Variants in WDR41 observed in about 807,000 individuals in gnomAD.
The protein encoded by WDR41 is WD repeat domain 41.
WDR41 carries 63 observed loss-of-function variants against 69.3 expected under a neutral mutation model. The observed-to-expected ratio is 0.91, with a 90% CI of 0.74 to 1.12. The LOEUF is 1.12. WDR41 is among the 50% of genes most tolerant of loss of function. The pLI, the probability that WDR41 is intolerant of heterozygous loss-of-function variation, is 0.00. For missense variants in WDR41, 543 were observed against 534.5 expected, an observed-to-expected ratio of 1.02 and a Z score of -0.16; for synonymous variants, 185 against 192.1, an observed-to-expected ratio of 0.96 and a Z score of 0.31.
chr5:77,459,451 A>T (rs1439935833), intron 4 of WDR41, among the ~76,000 whole-genome samples: 1 of 152,152 alleles, frequency 6.6e-6, no homozygotes, highest in Non-Finnish European at 1.5e-5. Flanking sequence ...AGAATAGCCC[A>T]CCATAATCTA....
chr5:77,528,510 A>G (rs150741950), intron 1 of WDR41, among the ~76,000 whole-genome samples: 37 of 151,870 alleles, frequency 2.4e-4, no homozygotes, highest in African/African-American at 8.7e-4. Context: ...GAAAATGAAG[A>G]CTATCATTCA....
chr5:77,536,742 G>A (rs1452274268), intron 1 of WDR41, among the ~76,000 whole-genome samples: 1 of 152,114 alleles, frequency 6.6e-6, no homozygotes, highest in Non-Finnish European at 1.5e-5. Flanking sequence ...TAGCCTAGGA[G>A]CAATAGGCTG....
intron 5 of WDR41, among the ~76,000 whole-genome samples, 162 bp from the exon 6 acceptor site, chr5:77,454,090 CCAAA>C (rs1247424836): frequency 6.6e-6 from 1 of 152,178 alleles, no homozygotes; most frequent in East Asian, 1.9e-4. Context: ...CTAGCTTCTA[CCAAA>C]CAGATTCTGG....
intron 2 of WDR41, among the ~76,000 whole-genome samples, chr5:77,474,520 G>A (rs1308565986): frequency 6.6e-6 from 1 of 152,088 alleles, no homozygotes; most frequent in Admixed American, 6.5e-5. Flanking sequence ...CATCCAGATA[G>A]GGACTTGTAA....
chr5:77,556,941 G>A (rs78226706), intron 1 of WDR41, among the ~76,000 whole-genome samples: 1 of 152,038 alleles, frequency 6.6e-6, no homozygotes, highest in East Asian at 1.9e-4. Context: ...GGCACCTGGG[G>A]TTTCTAATCA....
At chr5:77,483,478 A>C in intron 2 of WDR41, among the ~76,000 whole-genome samples, 1 of 113,050 alleles carries the variant, frequency 8.8e-6, no homozygotes, top group African/African-American at 3.6e-5. Flanking sequence ...TTACCTGAAT[A>C]CTCGTGTGTG....
chr5:77,481,407 A>G (rs1801253010), intron 2 of WDR41, among the ~76,000 whole-genome samples: 1 of 151,912 alleles, frequency 6.6e-6, no homozygotes, highest in Non-Finnish European at 1.5e-5. Context: ...GAGGCTGGCA[A>G]CTCTTCAGTT....
chr5:77,612,977 A>C (rs1369360641), intron 1 of WDR41, among the ~76,000 whole-genome samples: 19 of 151,632 alleles, frequency 1.3e-4, no homozygotes, highest in Admixed American at 4.6e-4. Context: ...TACAAAAATC[A>C]CAAGCATTCT....
rs528461239 is a variant in WDR41 at position 77,522,718 on chromosome 5, A to G, written c.43-33146T>C. Among the ~76,000 whole-genome samples the G allele has an allele frequency of 3.3e-5, 5 of 152,294 alleles. No homozygotes were observed. In the South Asian group the frequency reaches 1.0e-3, roughly 32 times the overall value. ...CAAGAAGTACACCATCATAAAAGCCAAGATAAGTCACGAGTTCTCCAAAGG... is the reference window on the plus strand; with the variant it reads ...CAAGAAGTACACCATCATAAAAGCCGAGATAAGTCACGAGTTCTCCAAAGG... On this transcript the variant is annotated intron_variant, in intron 1 of 5. Transcript: ENST00000509971.
chr5:77,615,431 TAAGTA>T (rs1274666781), intron 1 of WDR41, among the ~76,000 whole-genome samples: 1 of 152,036 alleles, frequency 6.6e-6, no homozygotes, highest in Non-Finnish European at 1.5e-5. Context: ...AAGAATGAAT[TAAGTA>T]AATAGGATAA....
chr5:77,480,565 A>C (rs981041223), intron 2 of WDR41, among the ~76,000 whole-genome samples: 1 of 152,076 alleles, frequency 6.6e-6, no homozygotes, highest in African/African-American at 2.4e-5. Context: ...TCAGTAAACT[A>C]TTGCAAGAAC....
chr5:77,616,898 T>A (rs1744689955), intron 1 of WDR41, among the ~76,000 whole-genome samples: 1 of 152,204 alleles, frequency 6.6e-6, no homozygotes, highest in Admixed American at 6.5e-5. Flanking sequence ...TTCCCCATCC[T>A]ATCCCATTAA....
chr5:77,601,825 A>G (rs1744328706), intron 1 of WDR41, among the ~76,000 whole-genome samples: 1 of 152,170 alleles, frequency 6.6e-6, no homozygotes. Flanking sequence ...CCTTTTAATT[A>G]CTTTTTATTG....
intron 1 of WDR41, among the ~76,000 whole-genome samples, chr5:77,589,455 A>G (rs1744097834): frequency 6.6e-6 from 1 of 152,128 alleles, no homozygotes; most frequent in South Asian, 2.1e-4. Context: ...TCTGATTGGG[A>G]TTGCAATGGA....
intron 1 of WDR41, among the ~76,000 whole-genome samples, chr5:77,562,939 A>G (rs1743552567): frequency 6.6e-6 from 1 of 152,098 alleles, no homozygotes. Flanking sequence ...GAAATTCTAC[A>G]ATATTTGATT....
Position 77,438,230 on chromosome 5 carries a change from G to C in WDR41, c.1004+10C>G. The C allele has an allele frequency of 1.2e-6, 2 of 1,613,798 alleles. No individual in the cohort carries two copies. The highest frequency in any genetic ancestry group is 1.3e-5 in the African/African-American group (1 of 75,038). ...CTTTCATCTATTGCAGAACAGATGG[G>C]AACTTGTACCTGTTTGGAAGTCTGG... On this transcript the variant is annotated intron_variant, in intron 10 of 12. Coordinates refer to ENST00000296679, the MANE Select transcript of WDR41 (RefSeq NM_018268.4).
chr5:77,594,859 G>A (rs1261093302), intron 1 of WDR41, among the ~76,000 whole-genome samples: 1 of 152,188 alleles, frequency 6.6e-6, no homozygotes, highest in East Asian at 1.9e-4. Context: ...CAACTGACAA[G>A]AAGATACACT....
rs186071650 is a variant in WDR41 at position 77,574,833 on chromosome 5, T to C, written c.42+45646A>G. 3.3e-3 allele frequency among the ~76,000 whole-genome samples: 496 copies of C among 152,332 alleles called. 3 individuals carry two copies. The highest frequency in any genetic ancestry group is 0.012 in the African/African-American group (479 of 41,572). On this transcript the variant is annotated intron_variant, in intron 1 of 5. Coordinates refer to the WDR41 transcript ENST00000509971. ...CATGCATAATACATTCCTGTATTTT[T>C]CTCCTTGTCGTAGTTGAAACAAGAA...
chr5:77,481,057 T>C (rs976885263), intron 2 of WDR41, among the ~76,000 whole-genome samples: 4 of 151,252 alleles, frequency 2.6e-5, no homozygotes, highest in Non-Finnish European at 4.4e-5. Flanking sequence ...AGTCTCGCCC[T>C]GTTGCCCAGG....
Sources: gnomAD v4.1 joint callset for allele counts (sites outside exome capture counted in the v4.1 genomes callset) on GRCh38, gnomAD v4.1.1 for gene constraint, MANE v1.5 for transcripts, NCBI Gene and HGNC (gene_info 2026-07-23, HGNC 2026-07-21) for gene names.